The following CSMD1 variants were observed in gnomAD, a reference collection of about 807,000 sequenced individuals.
The protein encoded by CSMD1 is CUB and Sushi multiple domains 1.
CSMD1 carries 213 observed loss-of-function variants against 417.5 expected under a neutral mutation model. The ratio of observed to expected loss-of-function variants is 0.51; its 90% CI spans 0.46 to 0.57. The LOEUF (loss-of-function observed/expected upper bound fraction) is 0.57, where lower values mean the gene tolerates loss of function less well. Ranked by LOEUF, CSMD1 falls within the 20% of genes least tolerant of loss-of-function variation. The pLI is 0.00. For synonymous variants in CSMD1, 2,862 were observed against 1,736.8 expected (o/e 1.65, Z -16.11); for missense variants, 6,923 against 4,529.7 (o/e 1.53, Z -15.17).
chr8:4,404,451 A>G (rs2128930732), intron 3 of CSMD1, among the ~76,000 whole-genome samples: 1 of 152,280 alleles, frequency 6.6e-6, no homozygotes, highest in East Asian at 1.9e-4. Context: ...AACGAAAGTA[A>G]TTTTTGCAAA....
chr8:3,741,098 C>T (rs1796778162), intron 6 of CSMD1, among the ~76,000 whole-genome samples: 1 of 151,576 alleles, frequency 6.6e-6, no homozygotes, highest in Admixed American at 6.6e-5. Flanking sequence ...GCCTGTGATC[C>T]CAGCTACTTG....
At chr8:2,989,855 G>A (rs1563211461) in intron 54 of CSMD1, among the ~76,000 whole-genome samples, 2 of 152,192 alleles carry the variant, frequency 1.3e-5, no homozygotes, top group African/African-American at 2.4e-5. Flanking sequence ...GGCAGATTGG[G>A]TGAGTCTTCC....
At chr8:4,091,318 T>G (rs761769809) in intron 3 of CSMD1, among the ~76,000 whole-genome samples, 1 of 152,148 alleles carries the variant, frequency 6.6e-6, no homozygotes, top group Non-Finnish European at 1.5e-5. Context: ...CAATAAATAT[T>G]TTGTTGTAGT....
intron 2 of CSMD1, among the ~76,000 whole-genome samples, chr8:4,435,111 A>G (rs1261897184): frequency 6.6e-6 from 1 of 152,250 alleles, no homozygotes; most frequent in African/African-American, 2.4e-5. Flanking sequence ...GATGCTAAAA[A>G]TAAGGAAAAA....
intron 7 of CSMD1, among the ~76,000 whole-genome samples, chr8:3,690,428 T>C (rs1800177888): frequency 6.6e-6 from 1 of 152,232 alleles, no homozygotes; most frequent in Non-Finnish European, 1.5e-5. Context: ...AAGCAATTTC[T>C]TCTGTATGTG....
chr8:4,985,274 C>A (rs184395941), intron 1 of CSMD1, among the ~76,000 whole-genome samples: 29 of 152,214 alleles, frequency 1.9e-4, no homozygotes, highest in Admixed American at 1.7e-3. Flanking sequence ...AGGCTTACTA[C>A]CTTGGTAATG....
At chr8:2,952,749 T>C (rs1031808418) in intron 65 of CSMD1, among the ~76,000 whole-genome samples, 3 of 152,194 alleles carry the variant, frequency 2.0e-5, no homozygotes, top group South Asian at 2.1e-4. Flanking sequence ...TGTTCAAGCA[T>C]TCACTTAAGT....
chr8:4,903,526 T>A (rs953228401), intron 1 of CSMD1, among the ~76,000 whole-genome samples: 1 of 152,226 alleles, frequency 6.6e-6, no homozygotes, highest in Non-Finnish European at 1.5e-5. Flanking sequence ...CAAAAAATAC[T>A]GAAACAGGAG....
At chr8:4,220,608 G>C (rs1485344014) in intron 3 of CSMD1, among the ~76,000 whole-genome samples, 6 of 152,204 alleles carry the variant, frequency 3.9e-5, no homozygotes, top group African/African-American at 1.4e-4. Flanking sequence ...GTCCATGTGA[G>C]AGGAAGGACC....
chr8:3,485,097 A>G (rs990332536), intron 11 of CSMD1, among the ~76,000 whole-genome samples: 1 of 152,236 alleles, frequency 6.6e-6, no homozygotes. Context: ...ATGTTTACAT[A>G]ACAACCTATA....
intron 12 of CSMD1, among the ~76,000 whole-genome samples, chr8:3,418,492 T>C (rs967835186): frequency 5.9e-5 from 9 of 152,248 alleles, no homozygotes; most frequent in Admixed American, 2.0e-4. Context: ...GCTATAATCA[T>C]GGAGTCATAT....
chr8:4,345,320 A>G (rs763202855), intron 3 of CSMD1, among the ~76,000 whole-genome samples: 3 of 152,182 alleles, frequency 2.0e-5, no homozygotes, highest in South Asian at 2.1e-4. Context: ...AAGGTAACAT[A>G]TAAATCTTTT....
intron 3 of CSMD1, among the ~76,000 whole-genome samples, chr8:4,280,445 A>C (rs1217821435): frequency 6.6e-6 from 1 of 152,256 alleles, no homozygotes; most frequent in African/African-American, 2.4e-5. Flanking sequence ...ACCGGATACC[A>C]ATCTGAGCAC....
Position 3,411,752 on chromosome 8 carries a change from G to A in CSMD1, c.1562-2147C>T, listed in dbSNP as rs1286796603. Among the ~76,000 whole-genome samples, 126 of 119,746 alleles carry A rather than the reference G, an allele frequency of 1.1e-3. 3 individuals carry two copies. The highest frequency in any genetic ancestry group is 1.3e-3 in the African/African-American group (40 of 30,318). The allele number at this position is 119,746 out of a possible 152,430, so 78.6% of individuals were successfully genotyped here. A position where few individuals can be genotyped will look rare whatever the true frequency, so the allele number is the denominator to read the frequency against. ...TATATACACGTGTATATATACACGT[G>A]TATATACGTGTATATACGTGTGTAT... On this transcript the variant is annotated intron_variant, in intron 12 of 69. Coordinates refer to ENST00000635120, the MANE Select transcript of CSMD1 (RefSeq NM_033225.6).
At chr8:3,498,348 G>C (rs374313743) in intron 10 of CSMD1, among the ~76,000 whole-genome samples, 4 of 152,278 alleles carry the variant, frequency 2.6e-5, no homozygotes, top group East Asian at 3.9e-4. Context: ...ATCAAATCAG[G>C]AGAACTGTGA....
intron 3 of CSMD1, among the ~76,000 whole-genome samples, chr8:4,373,413 A>G (rs1584974786): frequency 6.6e-6 from 1 of 152,364 alleles, no homozygotes; most frequent in Non-Finnish European, 1.5e-5. Flanking sequence ...TGTTAACAAC[A>G]GAGGAGACAG....
intron 12 of CSMD1, among the ~76,000 whole-genome samples, chr8:3,453,523 A>T (rs1019694755): frequency 6.6e-6 from 1 of 151,972 alleles, no homozygotes; most frequent in Non-Finnish European, 1.5e-5. Flanking sequence ...CTTTGTTCTC[A>T]TTGGTTTCAA....
At chr8:2,955,548 G>A (rs767464603) in intron 64 of CSMD1, 41 bp downstream of exon 64, 1 of 1,600,582 alleles carries the variant, frequency 6.2e-7, no homozygotes, top group Non-Finnish European at 8.5e-7. Context: ...CCTTTCCCTT[G>A]CTCTTTGGAA....
chr8:4,772,434 A>T (rs960679947), intron 1 of CSMD1, among the ~76,000 whole-genome samples: 1 of 152,156 alleles, frequency 6.6e-6, no homozygotes, highest in African/African-American at 2.4e-5. Flanking sequence ...TCCCTATTTT[A>T]AGGCCTATAG....
Sources: gnomAD v4.1 joint callset for allele counts (sites outside exome capture counted in the v4.1 genomes callset) on GRCh38, gnomAD v4.1.1 for gene constraint, MANE v1.5 for transcripts, NCBI Gene and HGNC (gene_info 2026-07-23, HGNC 2026-07-21) for gene names.